The following MSH6 variants were observed in gnomAD, a reference collection of about 807,000 sequenced individuals.
MSH6 encodes the protein DNA mismatch repair protein Msh6.
A neutral mutation model predicts 119.1 loss-of-function variants in MSH6; 85 were observed. The observed-to-expected ratio is 0.71, with a 90% CI of 0.60 to 0.85. The LOEUF (loss-of-function observed/expected upper bound fraction) is 0.85. Among genes scored for constraint, MSH6 ranks in the 40% least tolerant of loss-of-function variants. The pLI is 0.00. For missense variants in MSH6, 2,163 were observed against 1,655.3 expected, an observed-to-expected ratio of 1.31 and a Z score of -5.32; for synonymous variants, 830 against 586.9, an observed-to-expected ratio of 1.41 and a Z score of -5.99.
Position 47,804,467 on chromosome 2 carries a change from A to G in MSH6, c.3439-443A>G, listed in dbSNP as rs1247371645. 2.0e-5 allele frequency among the ~76,000 whole-genome samples: 3 copies of G among 151,990 alleles called. No homozygotes were observed. In the East Asian group the frequency reaches 5.8e-4, roughly 29 times the overall value. On this transcript the variant is annotated intron_variant, in intron 5 of 9. Coordinates refer to ENST00000234420, the MANE Select transcript of MSH6 (RefSeq NM_000179.3). ...ACCTAGTTTGCTAGAGAGAGGCAGT[A>G]TAGTGTGTATAGTGATTTCCAAACT...
In MSH6 at chr2:47,806,863, T is replaced by TGAC. The variant is rs1451012329; in HGVS notation, c.*4_*6dup. 1.2e-6 allele frequency: 2 copies of TGAC among 1,604,170 alleles called. No individual in the cohort carries two copies. Among genetic ancestry groups the TGAC allele is most frequent in the Non-Finnish European group, 1.7e-6 (2 of 1,171,438 alleles). On this transcript the variant is annotated 3_prime_UTR_variant, in exon 10 of 10. Transcript: ENST00000234420. ...TGACTTTGATTAAGGAATTATAGAC[T>TGAC]GACTACATTGGAAGCTTTGAGTTGA...
At chr2:47,788,922 G>GTTTTTTTTTTTTGTTTTGTTTTTTTTT (rs1668542908) in intron 1 of MSH6, among the ~76,000 whole-genome samples, 1 of 40,932 alleles carries the variant, frequency 2.4e-5, no homozygotes, top group African/African-American at 1.0e-4. Flanking sequence ...TTTTTTTTTT[G>GTTTTTTTTTTTTGTTTTGTTTTTTTTT]TTTTTTTTTT....
rs63751098 is a variant in MSH6 at position 47,783,394 on chromosome 2, G to C, written c.161G>C (p.Gly54Ala). The C allele has an allele frequency of 5.5e-5, 86 of 1,574,636 alleles. No homozygotes were observed. The highest frequency in any genetic ancestry group is 7.2e-5 in the Non-Finnish European group (84 of 1,160,400). The part of the protein sequence containing the change: ...PGGDAAWSEA[G>A]PGPRPLARSA... ...GGGGATGCGGCCTGGAGCGAGGCTG[G>C]GCCTGGGCCCAGGCCCTTGGCGCGC... The change falls in exon 1 of 10, where the codon GGG becomes GCG. Residue 54 changes from glycine (G) to alanine (A), a missense_variant. Transcript: ENST00000234420.
rs1670110153 is a variant in MSH6, at chr2:47,806,523, G to C, written c.3873G>C (p.Lys1291Asn). 6.2e-7 allele frequency: 1 copy of C among 1,613,966 alleles called. No individual in the cohort carries two copies. The highest frequency in any genetic ancestry group is 2.2e-5 in the East Asian group (1 of 44,872). ...ETITFLYKFIKGACPKSYGFN... is the reference protein window; with the variant it reads ...ETITFLYKFINGACPKSYGFN... ...TTACGTTCCTCTATAAATTCATTAA[G>C]GGAGCTTGTCCTAAAAGCTATGGCT... Residue 1291 changes from lysine to asparagine, a missense_variant, in exon 9 of 10, where the codon AAG becomes AAC. Lys to Asn is a moderately conservative substitution (Grantham distance 94). Transcript: ENST00000234420.
chr2:47,807,217 CAAAA>C (rs55762324), downstream of MSH6: 7 of 242,086 alleles, frequency 2.9e-5, no homozygotes, highest in East Asian at 3.1e-4. Context: ...CTAAACTGTT[CAAAA>C]AAAAACTATG....
chr2:47,805,872 T>C (rs984935426), intron 7 of MSH6, among the ~76,000 whole-genome samples, 165 bp downstream of exon 7: 1 of 145,614 alleles, frequency 6.9e-6, no homozygotes, highest in Non-Finnish European at 1.5e-5. Flanking sequence ...TAAAAGGTGA[T>C]ATTGTGAAAG....
At position 47,796,070 on chromosome 2, in the gene MSH6, C is replaced by T. The variant is rs1553411516; in HGVS notation, c.627+7C>T. 6.2e-7 allele frequency: 1 copy of T among 1,613,600 alleles called. No homozygotes were observed. Among genetic ancestry groups the T allele is most frequent in the Non-Finnish European group, 8.5e-7 (1 of 1,179,888 alleles). ...AGAGGAAGAAGAGATGGAGGTGGGA[C>T]ACGGCAAGCATTCAGTTGTTATTTA... On this transcript the variant is annotated splice_region_variant and intron_variant, in intron 3 of 9. Transcript: ENST00000234420.
At position 47,794,897 on chromosome 2, in the gene MSH6, T is replaced by A. The variant is rs570360546; in HGVS notation, c.458-997T>A. Among the ~76,000 whole-genome samples, 5 of 152,142 alleles carry A rather than the reference T, an allele frequency of 3.3e-5. No individual in the cohort carries two copies. The South Asian group carries it at 1.0e-3, about 32-fold the overall frequency. ...GCAACCTCTGCCTCCCGGGTTCAAGTGATTCTCCTTCCTCAGCCTCCCGAG... is the reference window on the plus strand; with the variant it reads ...GCAACCTCTGCCTCCCGGGTTCAAGAGATTCTCCTTCCTCAGCCTCCCGAG... On this transcript the variant is annotated intron_variant, in intron 2 of 9. Coordinates refer to ENST00000234420, the MANE Select transcript of MSH6 (RefSeq NM_000179.3).
intron 1 of MSH6, among the ~76,000 whole-genome samples, chr2:47,789,759 A>G (rs1341863676): frequency 6.6e-6 from 1 of 152,170 alleles, no homozygotes; most frequent in Admixed American, 6.6e-5. Flanking sequence ...TAGATTACGT[A>G]CAATACCTAA....
rs779022657 is a variant in MSH6 at position 47,798,942 on chromosome 2, C to T, written c.959C>T (p.Pro320Leu). 1.2e-6 allele frequency: 2 copies of T among 1,614,130 alleles called. No individual in the cohort carries two copies. Among genetic ancestry groups the T allele is most frequent in the Non-Finnish European group, 1.7e-6 (2 of 1,180,024 alleles). ...LKRKSSRKET[P>L]SATKQATSIS... ...AGGAAAAGCTCTAGGAAGGAAACGC[C>T]CTCAGCCACCAAACAAGCAACTAGC... The change falls in exon 4 of 10, where the codon CCC becomes CTC. Residue 320 changes from proline (P) to leucine (L), a missense_variant. Coordinates refer to ENST00000234420, the MANE Select transcript of MSH6 (RefSeq NM_000179.3).
In MSH6 at chr2:47,799,665, T is replaced by C. The variant is rs1042131614; in HGVS notation, c.1682T>C (p.Val561Ala). Residue 561 changes from valine to alanine, a missense_variant, in exon 4 of 10, where the codon GTT becomes GCT. Coordinates refer to ENST00000234420, the MANE Select transcript of MSH6 (RefSeq NM_000179.3). Reference sequence around the variant, plus strand: ...ACTCGTGCATATGGTGTGTGCTTTGTTGATACTTCACTGGGAAAGTTTTTC... The same window carrying C: ...ACTCGTGCATATGGTGTGTGCTTTGCTGATACTTCACTGGGAAAGTTTTTC... ...GHTRAYGVCF[V>A]DTSLGKFFIG... 1.2e-6 allele frequency: 2 copies of C among 1,614,100 alleles called. No individual in the cohort carries two copies. Among genetic ancestry groups the C allele is most frequent in the African/African-American group, 2.7e-5 (2 of 74,934 alleles).
At chr2:47,804,126 G>A (rs1350399586) in intron 5 of MSH6, among the ~76,000 whole-genome samples, 2 of 151,818 alleles carry the variant, frequency 1.3e-5, no homozygotes, top group African/African-American at 2.4e-5. Context: ...GGGATGACAT[G>A]CTGGCCCTTT....
rs1668168995 is a variant in MSH6, at chr2:47,783,815, A to C, written c.260+322A>C. ...GGGCTAAGGAAGGGGCGACGCGCGC[A>C]GCTCCGGGTGGGGAGGGGGCCTGGG... On this transcript the variant is annotated intron_variant, in intron 1 of 9. Transcript: ENST00000234420. 5 of 543,792 alleles carry C rather than the reference A, an allele frequency of 9.2e-6. No individual in the cohort carries two copies. The South Asian group carries it at 4.1e-4, about 45-fold the overall frequency. The allele number at this position is 543,792 out of a possible 1,614,324, so 33.7% of individuals were successfully genotyped here. A position where few individuals can be genotyped will look rare whatever the true frequency, so the allele number is the denominator to read the frequency against.
chr2:47,785,198 C>T (rs1019717449), intron 1 of MSH6, among the ~76,000 whole-genome samples: 2 of 151,618 alleles, frequency 1.3e-5, no homozygotes, highest in African/African-American at 4.8e-5. Flanking sequence ...GAAAAAATAA[C>T]TCATTCAAGA....
chr2:47,788,916 T>TTTTTGTTTTTTTTGTTTTTG (rs1558650186), intron 1 of MSH6, among the ~76,000 whole-genome samples: 1 of 59,924 alleles, frequency 1.7e-5, no homozygotes, highest in African/African-American at 6.1e-5. Flanking sequence ...CCTTTTTTTT[T>TTTTTGTTTTTTTTGTTTTTG]TTTTTGTTTT....
Position 47,800,058 on chromosome 2 carries a change from A to G in MSH6, c.2075A>G (p.Lys692Arg), listed in dbSNP as rs975991506. 1.9e-6 allele frequency: 3 copies of G among 1,614,126 alleles called. No individual in the cohort carries two copies. Among genetic ancestry groups the G allele is most frequent in the South Asian group, 1.1e-5 (1 of 91,086 alleles). The part of the protein sequence containing the change: ...SALGGCVFYL[K>R]KCLIDQELLS... ...CTAGGTGGTTGTGTCTTCTACCTCAAAAAATGCCTTATTGATCAGGAGCTT... is the reference window on the plus strand; with the variant it reads ...CTAGGTGGTTGTGTCTTCTACCTCAGAAAATGCCTTATTGATCAGGAGCTT... Residue 692 changes from lysine (K) to arginine (R), a missense_variant, in exon 4 of 10, where the codon AAA (lysine) becomes AGA (arginine). Coordinates refer to ENST00000234420, the MANE Select transcript of MSH6 (RefSeq NM_000179.3).
rs63750462 is a variant in MSH6, at chr2:47,799,851, C to T, written c.1868C>T (p.Pro623Leu). Residue 623 changes from proline to leucine, a missense_variant, in exon 4 of 10, where the codon CCC becomes CTC. Pro to Leu is a moderately conservative substitution (Grantham distance 98). Coordinates refer to ENST00000234420, the MANE Select transcript of MSH6 (RefSeq NM_000179.3). ...TGTTCTCTTCAGGAAGGTCTGATAC[C>T]CGGCTCCCAGTTTTGGGATGCATCC... is the stretch of plus-strand genomic sequence containing the variant. ...LSCSLQEGLI[P>L]GSQFWDASKT... 4 of 1,614,032 alleles carry T rather than the reference C, an allele frequency of 2.5e-6. No individual in the cohort carries two copies. Among genetic ancestry groups the T allele is most frequent in the Non-Finnish European group, 3.4e-6 (4 of 1,180,002 alleles).
chr2:47,808,005 AT>A, downstream of MSH6: 1 of 985,810 alleles, frequency 1.0e-6, no homozygotes, highest in Non-Finnish European at 1.5e-6. Flanking sequence ...TTGTGTATCC[AT>A]TTTTAATACA....
chr2:47,809,767 A>AAATT, downstream of MSH6: 2 of 1,096,244 alleles, frequency 1.8e-6, no homozygotes, highest in Non-Finnish European at 2.8e-6. Context: ...TAAAAACCTG[A>AAATT]AATTAGCAAG....
Sources: gnomAD v4.1 joint callset for allele counts (sites outside exome capture counted in the v4.1 genomes callset) on GRCh38, gnomAD v4.1.1 for gene constraint, MANE v1.5 for transcripts, NCBI Gene and HGNC (gene_info 2026-07-23, HGNC 2026-07-21) for gene names.